The following DOCK4 variants were observed in gnomAD, a reference collection of about 807,000 sequenced individuals.
DOCK4 encodes the protein dedicator of cytokinesis protein 4.
Under a neutral mutation model 268.1 loss-of-function variants are expected in DOCK4, and 97 were observed. That is an observed-to-expected ratio of 0.36 (90% CI 0.31 to 0.43). DOCK4 has a LOEUF of 0.43. Ranked by LOEUF, DOCK4 falls within the 20% of genes least tolerant of loss-of-function variation. The probability of loss-of-function intolerance (pLI) is 1.00; values close to 1 mark genes in which losing one functional copy is unlikely to be tolerated. For synonymous variants in DOCK4, 954 were observed against 887.2 expected (o/e 1.08, Z -1.34); for missense variants, 2,145 against 2,455.7 (o/e 0.87, Z 2.67).
chr7:111,939,017 G>A (rs1441411820), intron 11 of DOCK4, among the ~76,000 whole-genome samples: 3 of 150,540 alleles, frequency 2.0e-5, no homozygotes, highest in African/African-American at 7.3e-5. Flanking sequence ...ATTGGACCCA[G>A]AGAAAGCCAT....
chr7:111,994,026 T>C (rs1799734462), intron 5 of DOCK4, 109 bp downstream of exon 5: 2 of 600,030 alleles, frequency 3.3e-6, no homozygotes, highest in African/African-American at 1.8e-5. Flanking sequence ...CCCCAAGGAG[T>C]CCTGGAGACT....
intron 32 of DOCK4, among the ~76,000 whole-genome samples, chr7:111,788,194 C>T (rs919509980): frequency 3.9e-5 from 6 of 152,136 alleles, no homozygotes; most frequent in South Asian, 2.1e-4. Flanking sequence ...TAATGCTGAG[C>T]GAACAATCAG....
intron 23 of DOCK4, among the ~76,000 whole-genome samples, chr7:111,858,179 T>C (rs1472916800): frequency 6.6e-6 from 1 of 152,174 alleles, no homozygotes; most frequent in Non-Finnish European, 1.5e-5. Flanking sequence ...CAACATTTCA[T>C]TCCCTTCTTT....
At chr7:112,122,740 T>A (rs1356748597) in intron 1 of DOCK4, among the ~76,000 whole-genome samples, 2 of 152,374 alleles carry the variant, frequency 1.3e-5, no homozygotes, top group Non-Finnish European at 1.5e-5. Context: ...CTTTATCTTC[T>A]ATGTTGTTAT....
intron 25 of DOCK4, among the ~76,000 whole-genome samples, chr7:111,844,093 G>A (rs1181180978): frequency 6.6e-6 from 1 of 152,100 alleles, no homozygotes; most frequent in Non-Finnish European, 1.5e-5. Context: ...TGACCAACAT[G>A]GTGAAACTCT....
intron 1 of DOCK4, among the ~76,000 whole-genome samples, chr7:112,065,827 T>G (rs574983427): frequency 6.6e-6 from 1 of 152,158 alleles, no homozygotes; most frequent in South Asian, 2.1e-4. Context: ...ACACTGTTGA[T>G]GGAATTATTA....
intron 39 of DOCK4, among the ~76,000 whole-genome samples, chr7:111,762,699 C>T (rs879658870): frequency 4.0e-5 from 6 of 149,508 alleles, no homozygotes; most frequent in African/African-American, 7.4e-5. Flanking sequence ...TTTTCTTAAG[C>T]ATGTATATAG....
chr7:111,835,561 C>T (rs1028777882), intron 25 of DOCK4, among the ~76,000 whole-genome samples: 2 of 152,118 alleles, frequency 1.3e-5, no homozygotes, highest in African/African-American at 4.8e-5. Context: ...TTCAATGCAA[C>T]CTTTTGTGCT....
chr7:111,741,638 G>A lies in DOCK4; in HGVS notation c.4821C>T (p.Ala1607=). The stretch of plus-strand genomic sequence containing the variant: ...TTCCATTAGGAAAATGGACAGGACT[G>A]GCTTGCATACAAGCAGAGAACTCCT... ...GIQEFSACMQ[A]SPVHFPNGSP... The change falls in exon 46 of 53, where the codon GCC becomes GCT. Residue 1607 remains alanine (A), a synonymous_variant. Transcript: ENST00000428084. 1.2e-6 allele frequency: 2 copies of A among 1,613,400 alleles called. No homozygotes were observed. The highest frequency in any genetic ancestry group is 1.7e-6 in the Non-Finnish European group (2 of 1,179,706).
chr7:111,810,019 A>G (rs1203402468), intron 28 of DOCK4, among the ~76,000 whole-genome samples: 1 of 152,136 alleles, frequency 6.6e-6, no homozygotes, highest in African/African-American at 2.4e-5. Context: ...TGGAAGGAAC[A>G]CACTTCTCCA....
chr7:111,926,266 GAATA>G (rs980581245), intron 12 of DOCK4, among the ~76,000 whole-genome samples: 1 of 117,620 alleles, frequency 8.5e-6, no homozygotes, highest in Non-Finnish European at 1.8e-5. Context: ...AAAATACAAT[GAATA>G]AATAAATAAA....
chr7:111,821,021 G>C (rs769855725), intron 27 of DOCK4: 3 of 148,470 alleles, frequency 2.0e-5, no homozygotes, highest in African/African-American at 5.3e-5. Flanking sequence ...ATTCTAAAGA[G>C]AGCTATTTCA....
chr7:111,804,193 G>A (rs1390467896), intron 30 of DOCK4, among the ~76,000 whole-genome samples: 1 of 152,168 alleles, frequency 6.6e-6, no homozygotes, highest in Admixed American at 6.5e-5. Flanking sequence ...CAACCCAAAT[G>A]TCCACTGAGG....
chr7:111,842,384 G>T (rs558003162), intron 25 of DOCK4, among the ~76,000 whole-genome samples: 1 of 152,230 alleles, frequency 6.6e-6, no homozygotes, highest in Non-Finnish European at 1.5e-5. Context: ...TCCAGCCAAA[G>T]GACTAGGAAA....
chr7:111,997,915 T>C (rs1042368052), intron 4 of DOCK4, among the ~76,000 whole-genome samples: 1 of 152,208 alleles, frequency 6.6e-6, no homozygotes, highest in Admixed American at 6.5e-5. Flanking sequence ...CTAGAAATTT[T>C]TTTAATGTAT....
chr7:111,759,632 T>C (rs1254382422), intron 40 of DOCK4, among the ~76,000 whole-genome samples: 1 of 152,132 alleles, frequency 6.6e-6, no homozygotes, highest in Admixed American at 6.5e-5. Flanking sequence ...CTAACACCTA[T>C]ATAATTTCAG....
At chr7:112,002,841 G>A (rs1800536940) in intron 2 of DOCK4, among the ~76,000 whole-genome samples, 2 of 152,072 alleles carry the variant, frequency 1.3e-5, no homozygotes, top group Admixed American at 6.6e-5. Context: ...CCTGAGGTCA[G>A]GAGTTCGAGG....
intron 1 of DOCK4, among the ~76,000 whole-genome samples, chr7:112,157,223 C>A (rs1816696600): frequency 6.6e-6 from 1 of 152,184 alleles, no homozygotes; most frequent in Admixed American, 6.5e-5. Context: ...CAGCTCAAAC[C>A]ACAAAACCTC....
chr7:112,055,892 CA>C (rs1805772706), intron 1 of DOCK4, among the ~76,000 whole-genome samples: 1 of 146,872 alleles, frequency 6.8e-6, no homozygotes, highest in African/African-American at 2.5e-5. Context: ...GCCTGAGTGA[CA>C]GAAGGAGATT....
Sources: gnomAD v4.1 joint callset for allele counts (sites outside exome capture counted in the v4.1 genomes callset) on GRCh38, gnomAD v4.1.1 for gene constraint, MANE v1.5 for transcripts, NCBI Gene and HGNC (gene_info 2026-07-23, HGNC 2026-07-21) for gene names.